KCNN2: variants seen among roughly 807,000 people sequenced by gnomAD.
KCNN2 encodes small conductance calcium-activated potassium channel protein 2.
In KCNN2, 24 loss-of-function variants were observed where a neutral mutation model predicts 55.5. The ratio of observed to expected loss-of-function variants is 0.43; its 90% confidence interval spans 0.31 to 0.61. The LOEUF is 0.61. KCNN2 is among the 20% of genes least tolerant of loss of function. The pLI, the probability that KCNN2 is intolerant of heterozygous loss-of-function variation, is 0.08. For synonymous variants in KCNN2, 431 were observed against 336.1 expected (o/e 1.28, Z -3.09); for missense variants, 754 against 853.6 (o/e 0.88, Z 1.45).
At chr5:114,272,381 A>G (rs1167062912) in intron 2 of KCNN2, among the ~76,000 whole-genome samples, 4 of 30,720 alleles carry the variant, frequency 1.3e-4, no homozygotes, top group Non-Finnish European at 2.0e-4. Context: ...ATATGTATGT[A>G]CATATATACA....
chr5:114,225,264 A>C (rs898485310), intron 2 of KCNN2, among the ~76,000 whole-genome samples: 1 of 152,200 alleles, frequency 6.6e-6, no homozygotes, highest in Admixed American at 6.5e-5. Flanking sequence ...AAATCCAAAA[A>C]TAGACACAAC....
At chr5:114,396,332 C>T (rs942251403) in intron 2 of KCNN2, among the ~76,000 whole-genome samples, 3 of 152,182 alleles carry the variant, frequency 2.0e-5, no homozygotes, top group Non-Finnish European at 2.9e-5. Flanking sequence ...AGGGAGAAAC[C>T]GGAAACATTA....
At chr5:114,080,562 C>T (rs937789034) in intron 1 of KCNN2, among the ~76,000 whole-genome samples, 3 of 151,998 alleles carry the variant, frequency 2.0e-5, no homozygotes, top group Admixed American at 2.0e-4. Flanking sequence ...TTGACAAACT[C>T]GTTGATATAT....
In KCNN2 at chr5:114,187,883, C is replaced by T. The variant is rs540634517; in HGVS notation, c.-270-33597C>T. Among the ~76,000 whole-genome samples, 85 of 150,398 alleles carry T rather than the reference C, an allele frequency of 5.7e-4. No individual in the cohort carries two copies. In the South Asian group the frequency reaches 6.3e-3, roughly 11 times the overall value. ...AGGCTGGAGTGCAGTGGCGCAATCT[C>T]GGCTCACTGCAACCTCCGCCTCCTG... On this transcript the variant is annotated intron_variant, in intron 1 of 10. Coordinates refer to the KCNN2 transcript ENST00000512097.
chr5:114,086,497 A>G (rs576031193), intron 1 of KCNN2, among the ~76,000 whole-genome samples: 61 of 151,590 alleles, frequency 4.0e-4, no homozygotes, highest in Admixed American at 2.4e-3. Context: ...TGAGTATCCA[A>G]TGTTTAGCTC....
At chr5:114,237,179 A>T (rs574455269) in intron 2 of KCNN2, among the ~76,000 whole-genome samples, 1 of 151,984 alleles carries the variant, frequency 6.6e-6, no homozygotes, top group South Asian at 2.1e-4. Flanking sequence ...TTCCAGTACG[A>T]CAAGCAATTG....
chr5:114,145,727 A>G (rs1016561020), intron 1 of KCNN2, among the ~76,000 whole-genome samples: 2 of 152,138 alleles, frequency 1.3e-5, no homozygotes, highest in South Asian at 2.1e-4. Flanking sequence ...TCATGGCTCA[A>G]ATAAGAGGAG....
chr5:114,208,947 C>A (rs1033833175), intron 1 of KCNN2, among the ~76,000 whole-genome samples: 5 of 152,166 alleles, frequency 3.3e-5, no homozygotes, highest in Admixed American at 6.5e-5. Context: ...TGAAAACTGG[C>A]TTCTACTCTC....
chr5:114,168,144 G>A (rs971088987), intron 1 of KCNN2, among the ~76,000 whole-genome samples: 1 of 142,738 alleles, frequency 7.0e-6, no homozygotes, highest in Non-Finnish European at 1.5e-5. Flanking sequence ...TGTGTATATA[G>A]ATATATAATC....
At chr5:114,459,176 C>G (rs1761076783) in intron 3 of KCNN2, among the ~76,000 whole-genome samples, 1 of 152,196 alleles carries the variant, frequency 6.6e-6, no homozygotes, top group Non-Finnish European at 1.5e-5. Context: ...TAAAGTTGAT[C>G]TTACAGTCTT....
At chr5:114,495,822 T>C in intron 7 of KCNN2, 73 bp from the exon 8 acceptor site, 1 of 1,446,328 alleles carries the variant, frequency 6.9e-7, no homozygotes, top group Non-Finnish European at 9.5e-7. Flanking sequence ...AGACCAGAGC[T>C]AAACCTCTGA....
chr5:114,372,768 A>C (rs1395220127), intron 2 of KCNN2, among the ~76,000 whole-genome samples: 1 of 151,994 alleles, frequency 6.6e-6, no homozygotes, highest in Non-Finnish European at 1.5e-5. Flanking sequence ...TGTATAAGGA[A>C]ATTTTATATT....
intron 1 of KCNN2, among the ~76,000 whole-genome samples, chr5:114,161,348 G>T (rs1263171562): frequency 7.0e-6 from 1 of 142,140 alleles, no homozygotes; most frequent in African/African-American, 2.6e-5. Flanking sequence ...CTCCTGGCTT[G>T]TAGAGTTTCT....
intron 2 of KCNN2, among the ~76,000 whole-genome samples, chr5:114,257,177 G>A (rs1407605584): frequency 6.6e-6 from 1 of 152,022 alleles, no homozygotes; most frequent in East Asian, 1.9e-4. Context: ...GTAGGTATAT[G>A]GCTTTATTTC....
rs564396633 is a variant in KCNN2 at position 114,148,783 on chromosome 5, T to C, written c.-270-72697T>C. Among the ~76,000 whole-genome samples, 5 of 152,154 alleles carry C rather than the reference T, an allele frequency of 3.3e-5. No individual in the cohort carries two copies. The East Asian group carries it at 9.7e-4, about 30-fold the overall frequency. On this transcript the variant is annotated intron_variant, in intron 1 of 10. Transcript: ENST00000512097. The stretch of plus-strand genomic sequence containing the variant: ...GGGGATCATCACCAGGTTCCTCCTC[T>C]TGGGGAGAAAACAAGGAGAGATCAA...
At chr5:114,395,089 T>G (rs1758575734) in intron 2 of KCNN2, among the ~76,000 whole-genome samples, 1 of 152,196 alleles carries the variant, frequency 6.6e-6, no homozygotes, top group African/African-American at 2.4e-5. Context: ...TGTCCCCGAC[T>G]GCAAGAGCTT....
chr5:114,389,794 G>A (rs1221381360), intron 2 of KCNN2, among the ~76,000 whole-genome samples: 1 of 152,126 alleles, frequency 6.6e-6, no homozygotes, highest in East Asian at 1.9e-4. Flanking sequence ...CTGGAAAGCA[G>A]GAGGTCATCT....
intron 1 of KCNN2, among the ~76,000 whole-genome samples, chr5:114,159,961 G>T (rs1752729918): frequency 6.6e-6 from 1 of 152,046 alleles, no homozygotes; most frequent in East Asian, 1.9e-4. Flanking sequence ...CCAGCTCCTG[G>T]ATTCATTGAT....
At chr5:114,088,605 G>GT (rs1475458033) in intron 1 of KCNN2, among the ~76,000 whole-genome samples, 2 of 151,502 alleles carry the variant, frequency 1.3e-5, no homozygotes, top group African/African-American at 4.8e-5. Flanking sequence ...TTTTATTTTT[G>GT]TTTTTTGTTG....
Sources: allele counts gnomAD v4.1 joint callset (sites outside exome capture counted in the v4.1 genomes callset), GRCh38; gene constraint gnomAD v4.1.1; transcripts MANE v1.5; gene names NCBI Gene and HGNC (gene_info 2026-07-23, HGNC 2026-07-21).